Variants in TRPS1 observed in about 807,000 individuals in gnomAD.
TRPS1 encodes transcriptional repressor GATA binding 1.
In TRPS1, 6 loss-of-function variants were observed where a neutral mutation model predicts 101.2. The ratio of observed to expected loss-of-function variants is 0.06; its 90% CI spans 0.03 to 0.12. TRPS1 has a LOEUF of 0.12. Ranked by LOEUF, TRPS1 falls within the 10% of genes least tolerant of loss-of-function variation. TRPS1 has a pLI of 1.00. For synonymous variants in TRPS1, 578 were observed against 589.8 expected (o/e 0.98, Z 0.29); for missense variants, 1,363 against 1,567.0 (o/e 0.87, Z 2.20).
At chr8:115,433,978 A>G (rs949793360) in intron 5 of TRPS1, among the ~76,000 whole-genome samples, 1 of 120 alleles carries the variant, frequency 8.3e-3, no homozygotes, top group African/African-American at 0.1. Flanking sequence ...TGCTGTCAGA[A>G]TCTTTTCACC....
At chr8:115,563,321 T>C (rs1041253978) in intron 5 of TRPS1, among the ~76,000 whole-genome samples, 1 of 152,016 alleles carries the variant, frequency 6.6e-6, no homozygotes, top group Non-Finnish European at 1.5e-5. Context: ...TTGACACTAG[T>C]TTCTGTAACC....
intron 5 of TRPS1, among the ~76,000 whole-genome samples, chr8:115,575,883 A>G (rs1310502244): frequency 6.6e-6 from 1 of 152,156 alleles, no homozygotes; most frequent in Non-Finnish European, 1.5e-5. Flanking sequence ...GTAATGAAAC[A>G]GCTGGGATTA....
rs1167053545 is a variant in TRPS1 at position 115,587,188 on chromosome 8, T to C, written c.2513A>G (p.Lys838Arg). Residue 838 changes from lysine to arginine, a missense_variant, in exon 5 of 7, where the codon AAG becomes AGG. Lys to Arg is a conservative substitution (Grantham distance 26). Coordinates refer to ENST00000395715, the MANE Select transcript of TRPS1 (RefSeq NM_014112.5). ...TPVSGTQEQTKTLRDSPNVEA... is the reference protein window; with the variant it reads ...TPVSGTQEQTRTLRDSPNVEA... ...CACATTGGGACTATCCCTTAGAGTC[T>C]TTGTCTGCTCTTGGGTGCCAGACAC... The C allele has an allele frequency of 1.2e-6, 2 of 1,614,218 alleles. No individual in the cohort carries two copies. Among genetic ancestry groups the C allele is most frequent in the East Asian group, 4.5e-5 (2 of 44,876 alleles).
intron 5 of TRPS1, among the ~76,000 whole-genome samples, chr8:115,568,029 A>G (rs1817110440): frequency 6.6e-6 from 1 of 152,120 alleles, no homozygotes; most frequent in African/African-American, 2.4e-5. Flanking sequence ...CATCAATAAA[A>G]TTGAGTTGAC....
At position 115,619,860 on chromosome 8, in the gene TRPS1, G is replaced by A. The variant is rs576991429; in HGVS notation, c.238C>T (p.Pro80Ser). Residue 80 changes from proline (P) to serine (S), a missense_variant, in exon 3 of 7, where the codon CCA becomes TCA. By Grantham distance (74) the Pro-to-Ser change is moderately conservative. This residue lies in a region of TRPS1 where 1,020 missense variants were observed against 1,073.0 expected (regional missense o/e 0.95). Transcript: ENST00000395715. ...AAGTCCTTCTTACTGCTAGAAGATG[G>A]ATCTTGAACATGCAAGCTATGTTCC... The part of the protein sequence containing the change: ...KEEHSLHVQD[P>S]SSSSKKDLKS... 15 of 1,614,172 alleles carry A rather than the reference G, an allele frequency of 9.3e-6. No individual in the cohort carries two copies. In the African/African-American group the frequency reaches 1.9e-4, roughly 20 times the overall value.
intron 5 of TRPS1, among the ~76,000 whole-genome samples, chr8:115,557,477 A>T (rs1481721204): frequency 6.6e-6 from 1 of 152,130 alleles, no homozygotes; most frequent in Non-Finnish European, 1.5e-5. Flanking sequence ...AGTGGGAAGT[A>T]ATTGAATCAT....
chr8:115,505,431 C>T lies in TRPS1; in HGVS notation c.2700+81570G>A, dbSNP rs1055246945. ...TAGTAATGACATGGGAAAACCTATG[C>T]GCTAAAATTTTTTCATGTTTGAGAC... On this transcript the variant is annotated intron_variant, in intron 5 of 6. Transcript: ENST00000395715. Among the ~76,000 whole-genome samples, 16 of 152,086 alleles carry T rather than the reference C, an allele frequency of 1.1e-4. 1 individual carries two copies. Among genetic ancestry groups the T allele is most frequent in the South Asian group, 8.3e-4 (4 of 4,824 alleles).
intron 1 of TRPS1, chr8:115,668,056 A>G: frequency 5.0e-6 from 2 of 403,628 alleles, no homozygotes; most frequent in Non-Finnish European, 4.7e-6. Flanking sequence ...TGCGAGGGGG[A>G]GGGGGCACCG....
chr8:115,662,332 G>T (rs1362478047), intron 1 of TRPS1, among the ~76,000 whole-genome samples: 1 of 151,412 alleles, frequency 6.6e-6, no homozygotes, highest in Non-Finnish European at 1.5e-5. Context: ...ATGTGCTCTA[G>T]GTAAAGAAGG....
intron 5 of TRPS1, among the ~76,000 whole-genome samples, chr8:115,533,789 G>A (rs1816210393): frequency 6.6e-6 from 1 of 151,970 alleles, no homozygotes; most frequent in Non-Finnish European, 1.5e-5. Flanking sequence ...TTTCTAGTGA[G>A]GGCTTTCTTC....
At chr8:115,432,039 T>C (rs1050185318) in intron 5 of TRPS1, among the ~76,000 whole-genome samples, 1 of 151,862 alleles carries the variant, frequency 6.6e-6, no homozygotes, top group African/African-American at 2.4e-5. Context: ...CAAGGTCCTC[T>C]AGTTTAATAT....
At chr8:115,427,503 G>A (rs905446711) in intron 5 of TRPS1, among the ~76,000 whole-genome samples, 2 of 151,934 alleles carry the variant, frequency 1.3e-5, no homozygotes, top group Admixed American at 1.3e-4. Flanking sequence ...CCACTTTATA[G>A]ATGAGAAAAC....
At chr8:115,533,443 T>A (rs1023407619) in intron 5 of TRPS1, among the ~76,000 whole-genome samples, 4,630 of 129,408 alleles carry the variant, frequency 0.036, 440 homozygotes, top group African/African-American at 0.14. Flanking sequence ...TCTGTTTTTT[T>A]TTTTTTTTTT....
intron 5 of TRPS1, among the ~76,000 whole-genome samples, chr8:115,532,484 A>G (rs551088869): frequency 3.0e-4 from 46 of 152,288 alleles, no homozygotes; most frequent in African/African-American, 1.1e-3. Flanking sequence ...CTCAGTGTCT[A>G]GAAGAGAAAT....
chr8:115,592,444 AT>A lies in TRPS1; in HGVS notation c.2097-4841del, dbSNP rs575732265. On this transcript the variant is annotated intron_variant, in intron 4 of 6. Coordinates refer to ENST00000395715, the MANE Select transcript of TRPS1 (RefSeq NM_014112.5). Reference sequence around the variant, plus strand: ...TCTTAAGACTCTGGGTCTTACTACTATTAATGAAAAAAGAGTAAAGCTTGAC... The same window carrying A: ...TCTTAAGACTCTGGGTCTTACTACTATAATGAAAAAAGAGTAAAGCTTGAC... Among the ~76,000 whole-genome samples the A allele has an allele frequency of 1.2e-4, 19 of 152,294 alleles. No individual in the cohort carries two copies. The East Asian group carries it at 3.5e-3, about 28-fold the overall frequency.
chr8:115,634,122 A>G (rs1335659366), intron 1 of TRPS1, among the ~76,000 whole-genome samples: 1 of 152,222 alleles, frequency 6.6e-6, no homozygotes, highest in Non-Finnish European at 1.5e-5. Flanking sequence ...GTAGGTACAC[A>G]CAGATATGAT....
In TRPS1 at chr8:115,587,159, C is replaced by T. The variant is rs377704400; in HGVS notation, c.2542G>A (p.Ala848Thr). The T allele has an allele frequency of 8.7e-6, 14 of 1,614,112 alleles. No homozygotes were observed. The highest frequency in any genetic ancestry group is 1.7e-5 in the Admixed American group (1 of 60,016). ...KTLRDSPNVE[A>T]AHLARPIYGL... ...TAAATAGGTCGCGCCAGATGGGCGG[C>T]CTCCACATTGGGACTATCCCTTAGA... The change falls in exon 5 of 7, where the codon GCC becomes ACC. Residue 848 changes from alanine to threonine, a missense_variant. Physicochemically the swap from Ala to Thr is moderately conservative, Grantham distance 58. Around this residue, in one of 5 missense-constraint regions of TRPS1, gnomAD observed 1,020 missense variants for 1,073.0 expected, o/e 0.95. Transcript: ENST00000395715.
At chr8:115,536,786 AGTTTTTTTTTT>A (rs1816334415) in intron 5 of TRPS1, among the ~76,000 whole-genome samples, 1 of 150,360 alleles carries the variant, frequency 6.7e-6, no homozygotes, top group African/African-American at 2.4e-5. Flanking sequence ...ATATAGCTGA[AGTTTTTTTTTT>A]GTTTTTTTTT....
chr8:115,602,339 T>C (rs1180417463), intron 4 of TRPS1, among the ~76,000 whole-genome samples: 1 of 152,164 alleles, frequency 6.6e-6, no homozygotes, highest in Non-Finnish European at 1.5e-5. Flanking sequence ...AATGTGCACA[T>C]ACACACATAT....
Sources: gnomAD v4.1 joint callset for allele counts (sites outside exome capture counted in the v4.1 genomes callset) on GRCh38, gnomAD v4.1.1 for gene constraint, gnomAD v4.1.1 regional missense constraint, MANE v1.5 for transcripts, NCBI Gene and HGNC (gene_info 2026-07-23, HGNC 2026-07-21) for gene names.